Variants in PLXNA2 observed in about 807,000 individuals in gnomAD.
PLXNA2 encodes the protein plexin A2, also known as plexin-A2.
In PLXNA2, 91 loss-of-function variants were observed where a neutral mutation model predicts 193.5. The ratio of observed to expected loss-of-function variants is 0.47; its 90% CI spans 0.40 to 0.56. The LOEUF is 0.56. Among genes scored for constraint, PLXNA2 ranks in the 20% least tolerant of loss-of-function variants. PLXNA2 has a pLI of 0.00. For synonymous variants in PLXNA2, 997 were observed against 1,027.3 expected (o/e 0.97, Z 0.56); for missense variants, 1,995 against 2,503.2 (o/e 0.80, Z 4.33).
chr1:208,053,320 C>T (rs1665323789), intron 14 of PLXNA2, among the ~76,000 whole-genome samples: 1 of 152,212 alleles, frequency 6.6e-6, no homozygotes, highest in South Asian at 2.1e-4. Context: ...ATCTCTAAAG[C>T]CCCTCTCCGC....
At chr1:208,099,082 C>G (rs1667010486) in intron 5 of PLXNA2, 113 bp from the exon 6 acceptor site, 3 of 1,326,368 alleles carry the variant, frequency 2.3e-6, no homozygotes, top group Non-Finnish European at 3.1e-6. Context: ...GTCCTGTCTT[C>G]TCAAGAAGAC....
intron 3 of PLXNA2, among the ~76,000 whole-genome samples, chr1:208,143,963 T>G (rs941407293): frequency 2.0e-5 from 3 of 152,226 alleles, no homozygotes; most frequent in Admixed American, 6.5e-5. Context: ...GGAATGCTTG[T>G]GAAATGCTTG....
chr1:208,241,772 C>T (rs1181477544), intron 1 of PLXNA2, among the ~76,000 whole-genome samples: 1 of 152,178 alleles, frequency 6.6e-6, no homozygotes, highest in Non-Finnish European at 1.5e-5. Flanking sequence ...AGACGATCGG[C>T]TGCGGAGTGG....
At chr1:208,036,621 T>G (rs779488007) in intron 26 of PLXNA2, among the ~76,000 whole-genome samples, 1 of 152,224 alleles carries the variant, frequency 6.6e-6, no homozygotes, top group African/African-American at 2.4e-5. Context: ...GTTGCTATTA[T>G]GAGCATCATC....
At chr1:208,120,504 T>C (rs1667775197) in intron 4 of PLXNA2, among the ~76,000 whole-genome samples, 1 of 152,186 alleles carries the variant, frequency 6.6e-6, no homozygotes, top group Non-Finnish European at 1.5e-5. Context: ...GACAAGAAGA[T>C]TGAACTCTCT....
chr1:208,205,509 C>T (rs1196107597), intron 3 of PLXNA2, among the ~76,000 whole-genome samples: 1 of 152,208 alleles, frequency 6.6e-6, no homozygotes, highest in Non-Finnish European at 1.5e-5. Flanking sequence ...TCAAAACCAG[C>T]CTCATTCCAA....
At chr1:208,117,767 G>T (rs1312331700) in intron 4 of PLXNA2, among the ~76,000 whole-genome samples, 1 of 152,168 alleles carries the variant, frequency 6.6e-6, no homozygotes, top group African/African-American at 2.4e-5. Context: ...TCTACAAAGT[G>T]GATCCATTTG....
intron 3 of PLXNA2, among the ~76,000 whole-genome samples, chr1:208,174,612 T>C (rs998936371): frequency 2.6e-5 from 4 of 151,740 alleles, no homozygotes; most frequent in African/African-American, 9.7e-5. Context: ...GCCATCAGAG[T>C]GGGAAGCCGG....
At chr1:208,178,472 C>A (rs769732952) in intron 3 of PLXNA2, among the ~76,000 whole-genome samples, 17 of 152,166 alleles carry the variant, frequency 1.1e-4, no homozygotes, top group Non-Finnish European at 2.4e-4. Flanking sequence ...GGCCCCAGCA[C>A]CCCCTTGAGG....
At chr1:208,129,433 G>A (rs1668080604) in intron 4 of PLXNA2, among the ~76,000 whole-genome samples, 1 of 152,154 alleles carries the variant, frequency 6.6e-6, no homozygotes, top group African/African-American at 2.4e-5. Flanking sequence ...TCTTAGGAAA[G>A]GTGGGTGGAT....
chr1:208,201,667 C>T (rs1670557341), intron 3 of PLXNA2, among the ~76,000 whole-genome samples: 1 of 152,148 alleles, frequency 6.6e-6, no homozygotes, highest in Non-Finnish European at 1.5e-5. Context: ...ATGCCAAGCA[C>T]CATATTAAGC....
intron 4 of PLXNA2, among the ~76,000 whole-genome samples, chr1:208,130,108 G>T (rs1668102747): frequency 6.6e-6 from 1 of 152,186 alleles, no homozygotes. Flanking sequence ...ATAACTGGGG[G>T]GAACAAGGTG....
intron 12 of PLXNA2, among the ~76,000 whole-genome samples, chr1:208,070,788 C>T (rs1169510114): frequency 2.6e-5 from 4 of 152,138 alleles, no homozygotes; most frequent in Admixed American, 6.5e-5. Flanking sequence ...GCTTTGAGGT[C>T]GAAATGAGAT....
intron 1 of PLXNA2, among the ~76,000 whole-genome samples, chr1:208,225,282 C>T (rs1173587639): frequency 1.3e-5 from 2 of 152,132 alleles, no homozygotes; most frequent in African/African-American, 2.4e-5. Context: ...TTATTTGAGA[C>T]GGTGTCTTTT....
chr1:208,160,481 G>A (rs1444205183), intron 3 of PLXNA2, among the ~76,000 whole-genome samples: 1 of 152,210 alleles, frequency 6.6e-6, no homozygotes, highest in Non-Finnish European at 1.5e-5. Context: ...GTAGAACACG[G>A]CAGCCAGATA....
At chr1:208,159,880 G>T (rs1370302085) in intron 3 of PLXNA2, among the ~76,000 whole-genome samples, 4 of 152,230 alleles carry the variant, frequency 2.6e-5, no homozygotes, top group African/African-American at 9.6e-5. Flanking sequence ...GCAGGGGCTG[G>T]TGGGCTGGCA....
At chr1:208,055,795 C>T (rs1186436487) in intron 13 of PLXNA2, among the ~76,000 whole-genome samples, 1 of 152,178 alleles carries the variant, frequency 6.6e-6, no homozygotes, top group Non-Finnish European at 1.5e-5. Context: ...ACACACATGG[C>T]ACGCCACTGA....
chr1:208,122,232 C>A (rs1178850648), intron 4 of PLXNA2, among the ~76,000 whole-genome samples: 1 of 152,148 alleles, frequency 6.6e-6, no homozygotes, highest in Non-Finnish European at 1.5e-5. Context: ...CTAGATACTG[C>A]AGTTTGGAAC....
chr1:208,033,821 A>C (rs1318287967), intron 27 of PLXNA2, among the ~76,000 whole-genome samples: 1 of 152,236 alleles, frequency 6.6e-6, no homozygotes, highest in East Asian at 1.9e-4. Flanking sequence ...AAATGTCAAT[A>C]GGATATTTTC....
Sources: allele counts gnomAD v4.1 joint callset (sites outside exome capture counted in the v4.1 genomes callset), GRCh38; gene constraint gnomAD v4.1.1; transcripts MANE v1.5; gene names NCBI Gene and HGNC (gene_info 2026-07-23, HGNC 2026-07-21).